The following SYT15 variants were observed in gnomAD, a reference collection of about 807,000 sequenced individuals.
SYT15 encodes the protein synaptotagmin-15.
In SYT15, 4 loss-of-function variants were observed where a neutral mutation model predicts 30.1. The ratio of observed to expected loss-of-function variants is 0.13; its 90% CI spans 0.07 to 0.30. The LOEUF (loss-of-function observed/expected upper bound fraction) is 0.30. Among genes scored for constraint, SYT15 ranks in the 10% least tolerant of loss-of-function variants. The pLI is 1.00. For missense variants in SYT15, 49 were observed against 371.7 expected (o/e 0.13, Z 7.14); for synonymous variants, 19 against 166.3 (o/e 0.11, Z 6.82).
downstream of SYT15, chr10:46,596,118 T>TCGCTCC (rs1399272157): frequency 6.8e-6 from 1 of 146,292 alleles, no homozygotes; most frequent in African/African-American, 2.6e-5. Context: ...GCTGGGATCT[T>TCGCTCC]CAGGAATTTG....
downstream of SYT15, chr10:46,592,133 A>C (rs530954340): frequency 7.1e-6 from 1 of 140,430 alleles, no homozygotes; most frequent in South Asian, 2.3e-4. Flanking sequence ...TTATTTTTTT[A>C]ATTCCGTTTC....
rs1429774764 is a variant in SYT15 at position 46,580,683 on chromosome 10, T to C, written c.213-211T>C. Among the ~76,000 whole-genome samples the C allele has an allele frequency of 1.5e-3, 3 of 2,052 alleles. 1 individual carries two copies. The highest frequency in any genetic ancestry group is 1.5e-3 in the African/African-American group (3 of 1,948). 1.3% of individuals were successfully genotyped at this position (2,052 alleles called of 152,430 possible). ...GTTCCTTCTTCAAATCCCACTGCTG[T>C]GTGTGTGTGTGTGTGTGTGTGTGTG... is the stretch of plus-strand genomic sequence containing the variant. On this transcript the variant is annotated intron_variant, in intron 2 of 7. Coordinates refer to ENST00000374321, the MANE Select transcript of SYT15 (RefSeq NM_031912.5).
Position 46,579,193 on chromosome 10 carries a change from C to CCCCAG in SYT15, c.7+27_7+31dup, listed in dbSNP as rs1173335933. On this transcript the variant is annotated intron_variant, in intron 1 of 7. Coordinates refer to ENST00000374321, the MANE Select transcript of SYT15 (RefSeq NM_031912.5). Reference sequence around the variant, plus strand: ...CATGGCGGGTAAGCGAGCCTCGCCTCCCCAGCCCAGCCCCGGCCCCTCTGC... The same window carrying CCCCAG: ...CATGGCGGGTAAGCGAGCCTCGCCTCCCCAGCCCAGCCCAGCCCCGGCCCCTCTGC... 2 of 481,950 alleles carry CCCCAG rather than the reference C, an allele frequency of 4.1e-6. No homozygotes were observed. Among genetic ancestry groups the CCCCAG allele is most frequent in the Non-Finnish European group, 6.2e-6 (2 of 324,260 alleles). 29.9% of individuals were successfully genotyped at this position (481,950 alleles called of 1,614,324 possible). A position where few individuals can be genotyped will look rare whatever the true frequency, so the allele number is the denominator to read the frequency against.
Position 46,590,561 on chromosome 10 carries a change from A to G in SYT15, c.*2914A>G, listed in dbSNP as rs28502063. ...ACACAAAAAAACTACTAGAGCTAAT[A>G]AGTTTGGCAAGGTTGCAAGATATAA... On this transcript the variant is annotated 3_prime_UTR_variant, in exon 8 of 8. Coordinates refer to ENST00000374321, the MANE Select transcript of SYT15 (RefSeq NM_031912.5). The G allele has an allele frequency of 0.03, 3,499 of 116,714 alleles. 405 individuals carry two copies. The highest frequency in any genetic ancestry group is 0.12 in the African/African-American group (3,285 of 26,912). 7.2% of individuals were successfully genotyped at this position (116,714 alleles called of 1,614,324 possible).
intron 5 of SYT15, among the ~76,000 whole-genome samples, chr10:46,584,246 C>G (rs1451583491): frequency 6.6e-6 from 1 of 151,782 alleles, no homozygotes; most frequent in Non-Finnish European, 1.5e-5. Context: ...CCACCACCCC[C>G]AGGAAGGCCC....
intron 1 of SYT15, among the ~76,000 whole-genome samples, chr10:46,579,741 AC>A (rs1843951160): frequency 2.4e-5 from 2 of 83,116 alleles, no homozygotes; most frequent in Admixed American, 1.2e-4. Context: ...GGGGGAAGGT[AC>A]CTTTCAGGGC....
chr10:46,594,226 TAGAC>T (rs1173650639), downstream of SYT15: 3 of 101,060 alleles, frequency 3.0e-5, no homozygotes, highest in Admixed American at 1.0e-4. Flanking sequence ...TGTCATCTGA[TAGAC>T]AGAGTGGGAA....
downstream of SYT15, chr10:46,596,015 G>A (rs1362597871): frequency 6.8e-6 from 1 of 146,136 alleles, no homozygotes; most frequent in Non-Finnish European, 1.5e-5. Flanking sequence ...TTCCTGAGGG[G>A]AACTGCAACA....
At chr10:46,580,784 C>G (rs1271101358) in intron 2 of SYT15, 110 bp from the exon 3 acceptor site, 2 of 568,332 alleles carry the variant, frequency 3.5e-6, no homozygotes, top group African/African-American at 4.4e-5. Context: ...CCTCCTGGCT[C>G]CCGATGGCTT....
chr10:46,580,744 G>C, intron 2 of SYT15, 150 bp from the exon 3 acceptor site: 1 of 534,156 alleles, frequency 1.9e-6, no homozygotes, highest in African/African-American at 2.3e-5. Flanking sequence ...GTGTTGCCTG[G>C]TATGGGCCCA....
rs1160617773 is a variant in SYT15, at chr10:46,586,545, C to CAA, written c.1123+780_1123+781dup. Among the ~76,000 whole-genome samples the CAA allele has an allele frequency of 5.5e-4, 52 of 94,936 alleles. 2 individuals are homozygous for CAA. Among genetic ancestry groups the CAA allele is most frequent in the Middle Eastern group, 7.2e-3 (1 of 138 alleles). 62.3% of individuals were successfully genotyped at this position (94,936 alleles called of 152,430 possible). On this transcript the variant is annotated intron_variant, in intron 7 of 7. Transcript: ENST00000374321. Reference sequence around the variant, plus strand: ...TGGGCAACAGAGCGAGACTTCGTCTCAAAAAAAAAAAAAGAGGTTGGCTGG... The same window carrying CAA: ...TGGGCAACAGAGCGAGACTTCGTCTCAAAAAAAAAAAAAAAGAGGTTGGCTGG...
intron 4 of SYT15, chr10:46,582,643 AGGGTAGGTGTGGTGCCTTGCTGCACTCT>A (rs1320769118): frequency 3.9e-5 from 5 of 129,624 alleles, no homozygotes; most frequent in Non-Finnish European, 8.0e-5. Flanking sequence ...GTGCCCTCAC[AGGGTAGGTGTGGTGCCTTGCTGCACTCT>A]GGGCTGGCCG....
downstream of SYT15, chr10:46,594,242 AT>A (rs1555044927): frequency 1.0e-5 from 1 of 100,318 alleles, no homozygotes; most frequent in Non-Finnish European, 2.0e-5. Flanking sequence ...GAGTGGGAAG[AT>A]TTTACCTTAA....
At position 46,588,679 on chromosome 10, in the gene SYT15, CTTTTTCT is replaced by C. The variant is rs1555042169; in HGVS notation, c.*1038_*1044del. The C allele has an allele frequency of 1.4e-6, 1 of 719,540 alleles. No individual in the cohort carries two copies. The highest frequency in any genetic ancestry group is 1.5e-6 in the Non-Finnish European group (1 of 658,416). The allele number at this position is 719,540 out of a possible 1,614,324, so 44.6% of individuals were successfully genotyped here. A position where few individuals can be genotyped will look rare whatever the true frequency, so the allele number is the denominator to read the frequency against. On this transcript the variant is annotated 3_prime_UTR_variant, in exon 8 of 8. Coordinates refer to ENST00000374321, the MANE Select transcript of SYT15 (RefSeq NM_031912.5). Reference sequence around the variant, plus strand: ...CACTATCTCTTTCTCTTTTTTCCTTCTTTTTCTTTTTTTTTTTTTTATTTTAATTTTT... The same window carrying C: ...CACTATCTCTTTCTCTTTTTTCCTTCTTTTTTTTTTTTTATTTTAATTTTT...
downstream of SYT15, chr10:46,596,131 C>T (rs1845674835): frequency 6.8e-6 from 1 of 146,618 alleles, no homozygotes; most frequent in South Asian, 2.2e-4. Context: ...GGAATTTGTG[C>T]TTCGCTGTGC....
At chr10:46,594,645 G>A (rs1237835017), downstream of SYT15, among the ~76,000 whole-genome samples, 1 of 139,988 alleles carries the variant, frequency 7.1e-6, no homozygotes, top group Admixed American at 7.1e-5. Context: ...AGCTATGGCC[G>A]TCTGCCCAAA....
rs1225599137 is a variant in SYT15 at position 46,591,012 on chromosome 10, CTTAT to C, written c.*3373_*3376del. ...ACACATAAACACAACAATACTTGGA[CTTAT>C]TTATTTAAAATTTAGATTTATTAGA... On this transcript the variant is annotated 3_prime_UTR_variant, in exon 8 of 8. Transcript: ENST00000374321. 7.0e-6 allele frequency: 1 copy of C among 142,422 alleles called. No homozygotes were observed. The highest frequency in any genetic ancestry group is 2.8e-5 in the African/African-American group (1 of 36,204). The allele number at this position is 142,422 out of a possible 1,614,324, so 8.8% of individuals were successfully genotyped here. A position where few individuals can be genotyped will look rare whatever the true frequency, so the allele number is the denominator to read the frequency against.
chr10:46,586,271 G>A (rs1172853378), intron 7 of SYT15, among the ~76,000 whole-genome samples: 3 of 126,456 alleles, frequency 2.4e-5, no homozygotes, highest in African/African-American at 1.0e-4. Flanking sequence ...AAAGGGCCGG[G>A]CACGGTGGCT....
chr10:46,590,985 A>T lies in SYT15; in HGVS notation c.*3338A>T, dbSNP rs1555043469. On this transcript the variant is annotated 3_prime_UTR_variant, in exon 8 of 8. Transcript: ENST00000374321. The stretch of plus-strand genomic sequence containing the variant: ...CACTTTTGTGTGTGTGCGCAGGTTT[A>T]TACACATAAACACAACAATACTTGG... 1.4e-5 allele frequency: 2 copies of T among 144,094 alleles called. 1 individual carries two copies. Among genetic ancestry groups the T allele is most frequent in the African/African-American group, 5.4e-5 (2 of 37,016 alleles). 8.9% of individuals were successfully genotyped at this position (144,094 alleles called of 1,614,324 possible). A position where few individuals can be genotyped will look rare whatever the true frequency, so the allele number is the denominator to read the frequency against.
Sources: allele counts gnomAD v4.1 joint callset (sites outside exome capture counted in the v4.1 genomes callset), GRCh38; gene constraint gnomAD v4.1.1; transcripts MANE v1.5; gene names NCBI Gene and HGNC (gene_info 2026-07-23, HGNC 2026-07-21).